The following SP6 variants were observed in gnomAD, a reference collection of about 807,000 sequenced individuals.
The protein encoded by SP6 is Sp6 transcription factor.
A neutral mutation model predicts 23.4 loss-of-function variants in SP6; 10 were observed. The ratio of observed to expected loss-of-function variants is 0.43; its 90% CI spans 0.26 to 0.72. SP6 has a LOEUF of 0.72. SP6 is among the 30% of genes least tolerant of loss of function. The pLI is 0.23. For synonymous variants in SP6, 238 were observed against 238.7 expected, an observed-to-expected ratio of 1.00 and a Z score of 0.03; for missense variants, 482 against 523.8, an observed-to-expected ratio of 0.92 and a Z score of 0.78.
rs1279953100 is a variant in SP6, at chr17:47,847,897, C to G, written c.533G>C (p.Gly178Ala). ...PHAHHLLPAA[G>A]GQHLLGPPDG... ...GGGCGGCCCTAGGAGATGCTGCCCTCCGGCAGCTGGAAGGAGGTGGTGCGC... is the reference window on the plus strand; with the variant it reads ...GGGCGGCCCTAGGAGATGCTGCCCTGCGGCAGCTGGAAGGAGGTGGTGCGC... Residue 178 changes from glycine (G) to alanine (A), a missense_variant, in exon 2 of 2, where the codon GGA (glycine) becomes GCA (alanine). This residue lies in a region of SP6 where 330 missense variants were observed against 332.3 expected (regional missense o/e 0.99). Transcript: ENST00000536300. 3 of 1,560,546 alleles carry G rather than the reference C, an allele frequency of 1.9e-6. No homozygotes were observed. The highest frequency in any genetic ancestry group is 1.4e-5 in the African/African-American group (1 of 73,986).
chr17:47,865,502 G>A, the SP6 span, among the ~76,000 whole-genome samples: 1 of 152,262 alleles, frequency 6.6e-6, no homozygotes, highest in South Asian at 2.1e-4. Flanking sequence ...CCACCCTGGG[G>A]AAGGCTCCAC....
upstream of SP6, among the ~76,000 whole-genome samples, chr17:47,851,622 T>C (rs2033957409): frequency 2.0e-5 from 3 of 152,164 alleles, no homozygotes; most frequent in Admixed American, 2.0e-4. Flanking sequence ...GGAAACAAGA[T>C]TGAGCGCCAA....
chr17:47,853,171 G>A (rs1567962635), upstream of SP6, among the ~76,000 whole-genome samples: 1 of 152,230 alleles, frequency 6.6e-6, no homozygotes, highest in South Asian at 2.1e-4. Flanking sequence ...GCCTGACATC[G>A]GGGGATTGAG....
At chr17:47,858,767 C>CTTTTTTTTTTTTTTTTTTTTT (rs36092685), upstream of SP6, among the ~76,000 whole-genome samples, 2 of 92,648 alleles carry the variant, frequency 2.2e-5, 1 homozygote. Flanking sequence ...GATGAAGCAT[C>CTTTTTTTTTTTTTTTTTTTTT]TTTTTTTTTT....
chr17:47,857,745 G>A (rs150541562), upstream of SP6, among the ~76,000 whole-genome samples: 5 of 152,312 alleles, frequency 3.3e-5, no homozygotes, highest in Non-Finnish European at 5.9e-5. Flanking sequence ...ATGGGTGGGT[G>A]CCATGCGGCC....
Position 47,847,234 on chromosome 17 carries a change from G to C in SP6, c.*65C>G. The C allele has an allele frequency of 4.2e-6, 6 of 1,428,424 alleles. No individual in the cohort carries two copies. In the South Asian group the frequency reaches 8.8e-5, roughly 21 times the overall value. The allele number at this position is 1,428,424 out of a possible 1,614,324, so 88.5% of individuals were successfully genotyped here. A position where few individuals can be genotyped will look rare whatever the true frequency, so the allele number is the denominator to read the frequency against. On this transcript the variant is annotated 3_prime_UTR_variant, in exon 2 of 2. Transcript: ENST00000536300. ...TCTTCCTCAAGCCACCCCCAAGGACGTCAGACCTGGGGGCTCGCATCCAGT... is the reference window on the plus strand; with the variant it reads ...TCTTCCTCAAGCCACCCCCAAGGACCTCAGACCTGGGGGCTCGCATCCAGT...
upstream of SP6, among the ~76,000 whole-genome samples, chr17:47,859,500 C>T (rs2034020894): frequency 6.6e-6 from 1 of 152,212 alleles, no homozygotes; most frequent in Non-Finnish European, 1.5e-5. Context: ...AGGGCAAGAA[C>T]TCTATCCTTT....
At chr17:47,859,937 A>G (rs565970879), upstream of SP6, among the ~76,000 whole-genome samples, 1 of 152,156 alleles carries the variant, frequency 6.6e-6, no homozygotes, top group Non-Finnish European at 1.5e-5. Flanking sequence ...AGAGGCAGAA[A>G]AAGCAGAATC....
intron 1 of SP6, among the ~76,000 whole-genome samples, chr17:47,849,073 G>T (rs979107064): frequency 6.6e-6 from 1 of 152,024 alleles, no homozygotes; most frequent in South Asian, 2.1e-4. Context: ...GCTGCTCCCC[G>T]CCTGGCCTGG....
At chr17:47,863,063 G>A in the SP6 span, among the ~76,000 whole-genome samples, 15 of 152,400 alleles carry the variant, frequency 9.8e-5, no homozygotes, top group South Asian at 4.1e-4. Context: ...CAGTCCTGGA[G>A]CCTGGTGTCT....
chr17:47,860,581 C>T (rs570487550), upstream of SP6, among the ~76,000 whole-genome samples: 27 of 152,000 alleles, frequency 1.8e-4, no homozygotes, highest in African/African-American at 5.5e-4. Context: ...ATCCCCTTGT[C>T]GGCTGGGTGC....
chr17:47,863,639 G>A, the SP6 span, among the ~76,000 whole-genome samples: 52 of 143,298 alleles, frequency 3.6e-4, no homozygotes, highest in African/African-American at 1.3e-3. Context: ...CGCCATCTCC[G>A]CTCACTGCAA....
upstream of SP6, among the ~76,000 whole-genome samples, chr17:47,859,055 G>A (rs569473252): frequency 2.0e-5 from 3 of 152,134 alleles, no homozygotes; most frequent in African/African-American, 7.2e-5. Flanking sequence ...GATTACAGGC[G>A]TGAGATATGA....
the SP6 span, among the ~76,000 whole-genome samples, chr17:47,864,034 G>A: frequency 1.4e-5 from 2 of 143,702 alleles, no homozygotes; most frequent in African/African-American, 2.6e-5. Context: ...AGTAGAGATG[G>A]GGTTTCACCA....
Position 47,851,112 on chromosome 17 carries a change from G to A in SP6, c.-251C>T, listed in dbSNP as rs1432811609. ...AGGGCGGAGGACGGAGGGCGGGCAG[G>A]AGCCAGCGAGCGAACAAGGCCAGCT... is the stretch of plus-strand genomic sequence containing the variant. On this transcript the variant is annotated 5_prime_UTR_variant, in exon 1 of 2. Coordinates refer to ENST00000536300, the MANE Select transcript of SP6 (RefSeq NM_001258248.2). 1 of 152,510 alleles carries A rather than the reference G, an allele frequency of 6.6e-6. No individual in the cohort carries two copies. Among genetic ancestry groups the A allele is most frequent in the Admixed American group, 6.5e-5 (1 of 15,292 alleles). The allele number at this position is 152,510 out of a possible 1,614,324, so 9.4% of individuals were successfully genotyped here.
the SP6 span, among the ~76,000 whole-genome samples, chr17:47,866,646 C>T: frequency 1.1e-4 from 16 of 152,306 alleles, no homozygotes; most frequent in African/African-American, 3.4e-4. Flanking sequence ...ATCGCATCCG[C>T]GGCCTGATGG....
At chr17:47,875,649 G>A in the SP6 span, among the ~76,000 whole-genome samples, 2 of 152,230 alleles carry the variant, frequency 1.3e-5, no homozygotes, top group Admixed American at 6.5e-5. Context: ...ATCAACGTCT[G>A]GAAGAACCTC....
At chr17:47,855,280 A>G (rs1210794442), upstream of SP6, among the ~76,000 whole-genome samples, 1 of 152,068 alleles carries the variant, frequency 6.6e-6, no homozygotes, top group African/African-American at 2.4e-5. Context: ...TCCACCGTAA[A>G]TGCAGTTCCC....
chr17:47,861,789 T>C, the SP6 span, among the ~76,000 whole-genome samples: 3 of 152,004 alleles, frequency 2.0e-5, no homozygotes, highest in Admixed American at 6.6e-5. Flanking sequence ...CTCACACCTA[T>C]AATCCTGGCA....
Sources: gnomAD v4.1 joint callset for allele counts (sites outside exome capture counted in the v4.1 genomes callset) on GRCh38, gnomAD v4.1.1 for gene constraint, gnomAD v4.1.1 regional missense constraint, MANE v1.5 for transcripts, NCBI Gene and HGNC (gene_info 2026-07-23, HGNC 2026-07-21) for gene names.